Variants in PCCA observed in about 807,000 individuals in gnomAD.
PCCA encodes propionyl-CoA carboxylase subunit alpha, also known as propionyl-CoA carboxylase alpha chain, mitochondrial.
A neutral mutation model predicts 101.3 loss-of-function variants in PCCA; 74 were observed. That is an observed-to-expected ratio of 0.73 (90% CI 0.61 to 0.89). The LOEUF (loss-of-function observed/expected upper bound fraction) is 0.89, where lower values mean the gene tolerates loss of function less well. PCCA is among the 40% of genes least tolerant of loss of function. PCCA has a pLI of 0.00. For synonymous variants in PCCA, 294 were observed against 313.6 expected (o/e 0.94, Z 0.66); for missense variants, 891 against 907.0 (o/e 0.98, Z 0.23).
chr13:100,281,395 A>G (rs1440260891), intron 12 of PCCA, among the ~76,000 whole-genome samples: 1 of 152,246 alleles, frequency 6.6e-6, no homozygotes, highest in Non-Finnish European at 1.5e-5. Flanking sequence ...ATGTGTGTGT[A>G]TAAGACATGA....
chr13:100,465,726 A>G (rs1002244113), intron 21 of PCCA, among the ~76,000 whole-genome samples: 1 of 152,238 alleles, frequency 6.6e-6, no homozygotes, highest in African/African-American at 2.4e-5. Flanking sequence ...TATAACAACT[A>G]AAATTGTCTC....
rs536750283 is a variant in PCCA, at chr13:100,127,867, G to A, written c.300+15806G>A. Among the ~76,000 whole-genome samples, 3 of 152,244 alleles carry A rather than the reference G, an allele frequency of 2.0e-5. No homozygotes were observed. The East Asian group carries it at 5.8e-4, about 29-fold the overall frequency. On this transcript the variant is annotated intron_variant, in intron 4 of 23. Coordinates refer to ENST00000376285, the MANE Select transcript of PCCA (RefSeq NM_000282.4). Reference sequence around the variant, plus strand: ...AGATCGCGCCACTGCACTTCAGCCTGGGCGACAGAGCTAGACTCCGTCTCA... The same window carrying A: ...AGATCGCGCCACTGCACTTCAGCCTAGGCGACAGAGCTAGACTCCGTCTCA...
At chr13:100,232,485 A>G (rs990643716) in intron 7 of PCCA, among the ~76,000 whole-genome samples, 28 of 151,236 alleles carry the variant, frequency 1.9e-4, no homozygotes, top group African/African-American at 4.6e-4. Flanking sequence ...GGCTCATGCA[A>G]TCCTCCTGCC....
At chr13:100,212,368 G>C (rs967949669) in intron 7 of PCCA, among the ~76,000 whole-genome samples, 4 of 152,174 alleles carry the variant, frequency 2.6e-5, no homozygotes, top group Non-Finnish European at 5.9e-5. Flanking sequence ...ACACATAGTA[G>C]ACTATGTGAC....
Position 100,166,981 on chromosome 13 carries a change from A to G in PCCA, c.468+9641A>G, listed in dbSNP as rs138405175. The stretch of plus-strand genomic sequence containing the variant: ...GATTTGCATTTGTCTGATGATTAAT[A>G]ATGTTGAGCTCATTTGCTTTATATC... On this transcript the variant is annotated intron_variant, in intron 6 of 23. Transcript: ENST00000376285. Among the ~76,000 whole-genome samples the G allele has an allele frequency of 1.7e-3, 260 of 152,256 alleles. 6 individuals are homozygous for G. The East Asian group carries it at 0.046, about 27-fold the overall frequency.
chr13:100,351,885 C>G (rs2073312655), intron 18 of PCCA, among the ~76,000 whole-genome samples: 1 of 152,106 alleles, frequency 6.6e-6, no homozygotes, highest in Non-Finnish European at 1.5e-5. Context: ...GTGAATAAAT[C>G]CTGTGATATT....
In PCCA at chr13:100,530,268, G is replaced by T. The variant is rs1344357721; in HGVS notation, c.*102G>T. 1.1e-6 allele frequency: 1 copy of T among 941,966 alleles called. No individual in the cohort carries two copies. The highest frequency in any genetic ancestry group is 1.7e-6 in the Non-Finnish European group (1 of 581,188). 58.4% of individuals were successfully genotyped at this position (941,966 alleles called of 1,614,324 possible). ...CATTATACAGGAACACCCCTGTGCA[G>T]CTACGTTTACGTCGTCATTTATTCC... On this transcript the variant is annotated 3_prime_UTR_variant, in exon 24 of 24. Coordinates refer to ENST00000376285, the MANE Select transcript of PCCA (RefSeq NM_000282.4).
At chr13:100,347,907 T>G (rs962184960) in intron 18 of PCCA, among the ~76,000 whole-genome samples, 3 of 152,212 alleles carry the variant, frequency 2.0e-5, no homozygotes, top group African/African-American at 7.2e-5. Context: ...CCTATAACAG[T>G]GTAGAGCTGT....
At chr13:100,122,528 T>C (rs530681965) in intron 4 of PCCA, among the ~76,000 whole-genome samples, 4 of 152,326 alleles carry the variant, frequency 2.6e-5, no homozygotes, top group Admixed American at 6.5e-5. Flanking sequence ...TTTTCAGATA[T>C]TCTGTTTCTT....
intron 12 of PCCA, among the ~76,000 whole-genome samples, chr13:100,287,282 ATTAC>A (rs2064751564): frequency 6.6e-6 from 1 of 151,902 alleles, no homozygotes. Context: ...TTCCTTTCTC[ATTAC>A]TTTTATTTTT....
chr13:100,127,175 T>C (rs2050034924), intron 4 of PCCA, among the ~76,000 whole-genome samples: 1 of 152,232 alleles, frequency 6.6e-6, no homozygotes, highest in Non-Finnish European at 1.5e-5. Flanking sequence ...TATCAGTATC[T>C]TCATGTATGA....
intron 23 of PCCA, 98 bp downstream of exon 23, chr13:100,527,850 C>T (rs932331209): frequency 5.6e-5 from 50 of 885,740 alleles, no homozygotes; most frequent in African/African-American, 2.8e-4. Flanking sequence ...GCCACAGAGG[C>T]GCCCTCTCCC....
At chr13:100,288,130 GA>G (rs2064834329) in intron 12 of PCCA, among the ~76,000 whole-genome samples, 1 of 151,982 alleles carries the variant, frequency 6.6e-6, no homozygotes, top group South Asian at 2.1e-4. Flanking sequence ...TTTTAAAAAC[GA>G]ACTTTATTTG....
chr13:100,161,645 C>T (rs977236134), intron 6 of PCCA: 4 of 146,344 alleles, frequency 2.7e-5, no homozygotes, highest in Non-Finnish European at 6.0e-5. Flanking sequence ...ATACTCTACT[C>T]ATTCATATTT....
chr13:100,341,977 A>ATATATG (rs1017687203), intron 18 of PCCA, among the ~76,000 whole-genome samples: 10 of 113,910 alleles, frequency 8.8e-5, no homozygotes, highest in Non-Finnish European at 1.3e-4. Context: ...ATATATATAT[A>ATATATG]TATATGTATT....
intron 19 of PCCA, among the ~76,000 whole-genome samples, chr13:100,393,366 T>A (rs2076897213): frequency 6.6e-6 from 1 of 152,056 alleles, no homozygotes; most frequent in Non-Finnish European, 1.5e-5. Context: ...AACCAAGTTT[T>A]TAAAGTTTTC....
At chr13:100,450,092 G>T (rs906267302) in intron 21 of PCCA, among the ~76,000 whole-genome samples, 1 of 152,020 alleles carries the variant, frequency 6.6e-6, no homozygotes, top group South Asian at 2.1e-4. Context: ...GTTTAAAAAG[G>T]TACCTTATTT....
At position 100,516,962 on chromosome 13, in the gene PCCA, T is replaced by G. The variant is rs1359544310; in HGVS notation, c.2040+1395T>G. 2.0e-5 allele frequency among the ~76,000 whole-genome samples: 3 copies of G among 152,052 alleles called. No homozygotes were observed. The South Asian group carries it at 6.2e-4, about 32-fold the overall frequency. The stretch of plus-strand genomic sequence containing the variant: ...TTTGTTTTTTTCATTTTTCTTAAGT[T>G]TTTTTTCTGGAAGGCATCTATCTAG... On this transcript the variant is annotated intron_variant, in intron 22 of 23. Transcript: ENST00000376285.
At chr13:100,110,287 C>T (rs192129069) in intron 2 of PCCA, among the ~76,000 whole-genome samples, 34 of 152,242 alleles carry the variant, frequency 2.2e-4, no homozygotes, top group Middle Eastern at 3.4e-3. Flanking sequence ...CAGAAATTAC[C>T]GTGTGCTAAT....
Sources: gnomAD v4.1 joint callset for allele counts (sites outside exome capture counted in the v4.1 genomes callset) on GRCh38, gnomAD v4.1.1 for gene constraint, MANE v1.5 for transcripts, NCBI Gene and HGNC (gene_info 2026-07-23, HGNC 2026-07-21) for gene names.